CDH13: variants seen among roughly 807,000 people sequenced by gnomAD.
The protein encoded by CDH13 is cadherin 13, also known as cadherin-13.
A neutral mutation model predicts 63.8 loss-of-function variants in CDH13; 24 were observed. The ratio of observed to expected loss-of-function variants is 0.38; its 90% CI spans 0.27 to 0.53. The LOEUF is 0.53. CDH13 is among the 20% of genes least tolerant of loss of function. CDH13 has a pLI of 0.85. For synonymous variants in CDH13, 503 were observed against 355.3 expected (o/e 1.42, Z -4.67); for missense variants, 1,049 against 903.1 (o/e 1.16, Z -2.07).
chr16:83,247,830 T>G (rs1905118223), intron 5 of CDH13, among the ~76,000 whole-genome samples: 1 of 152,184 alleles, frequency 6.6e-6, no homozygotes, highest in Admixed American at 6.5e-5. Context: ...CCCCTGGATA[T>G]CATCTAGTGA....
At chr16:83,148,390 C>G (rs919005831) in intron 4 of CDH13, among the ~76,000 whole-genome samples, 3 of 152,156 alleles carry the variant, frequency 2.0e-5, no homozygotes, top group African/African-American at 7.2e-5. Flanking sequence ...GCTCATCCCT[C>G]CATGATTTGC....
intron 3 of CDH13, among the ~76,000 whole-genome samples, chr16:83,052,374 C>G (rs1283245409): frequency 6.6e-6 from 1 of 152,192 alleles, no homozygotes; most frequent in East Asian, 1.9e-4. Flanking sequence ...TCATCTGTCC[C>G]TGAATTCCAC....
intron 3 of CDH13, among the ~76,000 whole-genome samples, chr16:83,055,525 A>C (rs1262124092): frequency 6.6e-6 from 1 of 151,938 alleles, no homozygotes; most frequent in Non-Finnish European, 1.5e-5. Context: ...AAATTCTGTA[A>C]AATAAATAAA....
At chr16:83,027,477 G>A (rs1464531283) in intron 2 of CDH13, among the ~76,000 whole-genome samples, 1 of 152,180 alleles carries the variant, frequency 6.6e-6, no homozygotes, top group Non-Finnish European at 1.5e-5. Context: ...TACACAAAGG[G>A]TGGGACAGTA....
chr16:82,638,825 C>CGCGCGCGA (rs1317668459), intron 1 of CDH13, among the ~76,000 whole-genome samples: 1 of 43,534 alleles, frequency 2.3e-5, no homozygotes. Flanking sequence ...GCAGTGTGTG[C>CGCGCGCGA]GTGTGTGCGT....
chr16:83,079,071 A>G (rs945805348), intron 3 of CDH13, among the ~76,000 whole-genome samples: 1 of 152,194 alleles, frequency 6.6e-6, no homozygotes, highest in Non-Finnish European at 1.5e-5. Context: ...CTGGGATTAC[A>G]GGTGTGAGCC....
At chr16:83,454,308 G>A (rs1435968119) in intron 6 of CDH13, among the ~76,000 whole-genome samples, 1 of 152,210 alleles carries the variant, frequency 6.6e-6, no homozygotes, top group African/African-American at 2.4e-5. Flanking sequence ...TGTTTTGTGT[G>A]CATGATACAC....
At chr16:82,903,028 A>T (rs1293319257) in intron 2 of CDH13, among the ~76,000 whole-genome samples, 1 of 152,200 alleles carries the variant, frequency 6.6e-6, no homozygotes, top group East Asian at 1.9e-4. Context: ...TGACTCTTAC[A>T]TTATTTCTTT....
At chr16:83,547,484 G>C (rs1053821500) in intron 7 of CDH13, among the ~76,000 whole-genome samples, 1 of 152,102 alleles carries the variant, frequency 6.6e-6, no homozygotes, top group Non-Finnish European at 1.5e-5. Context: ...CCTAGTGTGT[G>C]TTGTTCCCCT....
At chr16:83,189,740 T>A (rs2151753462) in intron 4 of CDH13, among the ~76,000 whole-genome samples, 2 of 152,310 alleles carry the variant, frequency 1.3e-5, no homozygotes, top group Middle Eastern at 6.8e-3. Context: ...GCAAGAGGAA[T>A]CTTCCCTCTG....
chr16:82,851,228 G>C (rs1185715810), intron 1 of CDH13, among the ~76,000 whole-genome samples: 1 of 152,080 alleles, frequency 6.6e-6, no homozygotes, highest in Non-Finnish European at 1.5e-5. Flanking sequence ...AAGGTCAGGA[G>C]TTCGAGACCA....
chr16:83,224,289 T>C (rs1183467058), intron 5 of CDH13, among the ~76,000 whole-genome samples: 7 of 152,272 alleles, frequency 4.6e-5, no homozygotes, highest in African/African-American at 9.6e-5. Flanking sequence ...ATTTTTGCAA[T>C]TGCGAATTGA....
chr16:82,921,810 T>A (rs961301631), intron 2 of CDH13, among the ~76,000 whole-genome samples: 1 of 152,182 alleles, frequency 6.6e-6, no homozygotes, highest in Non-Finnish European at 1.5e-5. Flanking sequence ...TGGGAGAGTT[T>A]GTAAAATACT....
At chr16:82,722,787 G>T (rs1038412933) in intron 1 of CDH13, among the ~76,000 whole-genome samples, 3 of 152,192 alleles carry the variant, frequency 2.0e-5, no homozygotes, top group Non-Finnish European at 2.9e-5. Context: ...ATGCTCACAG[G>T]GTACCAGGGA....
chr16:83,790,839 T>C (rs1264377350), intron 13 of CDH13, among the ~76,000 whole-genome samples: 1 of 152,250 alleles, frequency 6.6e-6, no homozygotes, highest in African/African-American at 2.4e-5. Context: ...TTTTATGGTA[T>C]GGCAAGTCTC....
chr16:82,774,130 T>TAA (rs35249829), intron 1 of CDH13, among the ~76,000 whole-genome samples: 2 of 149,802 alleles, frequency 1.3e-5, no homozygotes. Flanking sequence ...GAATTCTCTT[T>TAA]AAAAAAAAAA....
Position 83,783,372 on chromosome 16 carries a change from A to G in CDH13, c.2034A>G (p.Gln678=), listed in dbSNP as rs1915663426. The G allele has an allele frequency of 6.8e-6, 11 of 1,613,880 alleles. No individual in the cohort carries two copies. The highest frequency in any genetic ancestry group is 2.2e-5 in the East Asian group (1 of 44,892). The change falls in exon 13 of 14, where the codon CAA becomes CAG. Residue 678 remains glutamine (Q), a synonymous_variant. Coordinates refer to ENST00000567109, the MANE Select transcript of CDH13 (RefSeq NM_001257.5). ...PMTNITDLRV[Q]VCSCRNSKVD... ...CGAATATCACAGATCTCAGGGTACA[A>G]GTGTGCTCCTGCAGGAATTCCAAAG...
At chr16:83,066,735 T>C (rs960311365) in intron 3 of CDH13, among the ~76,000 whole-genome samples, 1 of 152,214 alleles carries the variant, frequency 6.6e-6, no homozygotes, top group Non-Finnish European at 1.5e-5. Flanking sequence ...GTCAGTCTTT[T>C]AATTTACAAA....
rs376692399 is a variant in CDH13, at chr16:83,275,758, T to TATG, written c.636+58262_636+58264dup. ...AACCCATAGTGTCTGTCGCCCACTT[T>TATG]ATGGGAATTAAACCTTCCATTCAGA... On this transcript the variant is annotated intron_variant, in intron 5 of 13. Transcript: ENST00000567109. Among the ~76,000 whole-genome samples, 655 of 152,240 alleles carry TATG rather than the reference T, an allele frequency of 4.3e-3. 10 individuals carry two copies. Among genetic ancestry groups the TATG allele is most frequent in the African/African-American group, 0.015 (633 of 41,536 alleles).
Sources: allele counts gnomAD v4.1 joint callset (sites outside exome capture counted in the v4.1 genomes callset), GRCh38; gene constraint gnomAD v4.1.1; transcripts MANE v1.5; gene names NCBI Gene and HGNC (gene_info 2026-07-23, HGNC 2026-07-21).